Variants in PTPN3 observed in about 807,000 individuals in gnomAD.
PTPN3 encodes protein tyrosine phosphatase non-receptor type 3.
In PTPN3, 96 loss-of-function variants were observed where a neutral mutation model predicts 132.7. The ratio of observed to expected loss-of-function variants is 0.72; its 90% CI spans 0.61 to 0.86. The LOEUF is 0.86. Ranked by LOEUF, PTPN3 falls within the 40% of genes least tolerant of loss-of-function variation. The pLI is 0.00. For missense variants in PTPN3, 1,125 were observed against 1,159.6 expected (o/e 0.97, Z 0.43); for synonymous variants, 398 against 429.0 (o/e 0.93, Z 0.89).
chr9:109,502,671 G>A (rs1208291549), upstream of PTPN3, among the ~76,000 whole-genome samples: 1 of 152,130 alleles, frequency 6.6e-6, no homozygotes, highest in Non-Finnish European at 1.5e-5. Context: ...TGGCACCCAT[G>A]TGTGGTCCCA....
chr9:109,511,972 T>G, the PTPN3 span, among the ~76,000 whole-genome samples: 6 of 152,140 alleles, frequency 3.9e-5, no homozygotes, highest in African/African-American at 1.4e-4. Context: ...TATTTGTAAA[T>G]AAATGAACAA....
intron 14 of PTPN3, among the ~76,000 whole-genome samples, chr9:109,412,024 T>G (rs149967726): frequency 6.6e-6 from 1 of 152,184 alleles, no homozygotes; most frequent in African/African-American, 2.4e-5. Context: ...CTTTACAAAA[T>G]TCCCCCCAAA....
Position 109,436,945 on chromosome 9 carries a change from A to T in PTPN3, c.613T>A (p.Ser205Thr). 6.2e-7 allele frequency: 1 copy of T among 1,614,108 alleles called. No individual in the cohort carries two copies. Among genetic ancestry groups the T allele is most frequent in the Non-Finnish European group, 8.5e-7 (1 of 1,179,978 alleles). ...GTCCGCGCTATGTTGATATAGCAGGATTCTGCTTCTGATTGTTTTAGCCCA... is the reference window on the plus strand; with the variant it reads ...GTCCGCGCTATGTTGATATAGCAGGTTTCTGCTTCTGATTGTTTTAGCCCA... ...HSGLKQSEAE[S>T]CYINIARTLD... is the part of the protein sequence containing the mutation. The change falls in exon 9 of 26, where the codon TCC becomes ACC. Residue 205 changes from serine (S) to threonine (T), a missense_variant. Ser to Thr is a moderately conservative substitution (Grantham distance 58, BLOSUM62 1). Transcript: ENST00000374541.
At chr9:109,512,021 G>A in the PTPN3 span, among the ~76,000 whole-genome samples, 1 of 152,176 alleles carries the variant, frequency 6.6e-6, no homozygotes, top group Non-Finnish European at 1.5e-5. Flanking sequence ...GCCCACCTCT[G>A]GAGATTTCTA....
chr9:109,429,235 T>A (rs891602336), intron 10 of PTPN3, among the ~76,000 whole-genome samples: 1 of 152,238 alleles, frequency 6.6e-6, no homozygotes, highest in Non-Finnish European at 1.5e-5. Context: ...CATATTGTTA[T>A]ACCCAGTTTT....
upstream of PTPN3, among the ~76,000 whole-genome samples, chr9:109,500,358 C>T (rs576071943): frequency 1.6e-3 from 242 of 152,264 alleles, no homozygotes; most frequent in African/African-American, 5.6e-3. Context: ...CAGCTGTTAG[C>T]TTAAACGATG....
chr9:109,396,777 A>G (rs541715547), intron 19 of PTPN3, among the ~76,000 whole-genome samples: 136 of 152,300 alleles, frequency 8.9e-4, no homozygotes, highest in African/African-American at 3.2e-3. Flanking sequence ...ATGCTCTCCA[A>G]TGTGGTAGGG....
chr9:109,459,487 C>A (rs1285767115), intron 2 of PTPN3, among the ~76,000 whole-genome samples: 2 of 152,202 alleles, frequency 1.3e-5, no homozygotes, highest in Non-Finnish European at 2.9e-5. Context: ...GTGGCAGCCA[C>A]GTGATAAGAA....
chr9:109,491,417 T>C (rs1220569021), intron 1 of PTPN3, among the ~76,000 whole-genome samples: 2 of 152,096 alleles, frequency 1.3e-5, no homozygotes, highest in African/African-American at 4.8e-5. Flanking sequence ...AATAAAATGG[T>C]AATGTTTGGG....
At chr9:109,429,761 G>T (rs1843531303) in intron 10 of PTPN3, among the ~76,000 whole-genome samples, 1 of 152,142 alleles carries the variant, frequency 6.6e-6, no homozygotes, top group Non-Finnish European at 1.5e-5. Context: ...GTACACCAAG[G>T]GCTGACTATC....
At chr9:109,402,774 T>C (rs1841248686) in intron 19 of PTPN3, among the ~76,000 whole-genome samples, 1 of 152,198 alleles carries the variant, frequency 6.6e-6, no homozygotes, top group Admixed American at 6.5e-5. Context: ...AGATGATTAA[T>C]TAAAAATTTT....
chr9:109,467,759 G>A (rs1846172006), intron 1 of PTPN3, among the ~76,000 whole-genome samples: 2 of 152,162 alleles, frequency 1.3e-5, no homozygotes, highest in Non-Finnish European at 2.9e-5. Context: ...TGGCGTGGGT[G>A]CCGCTGGGAC....
chr9:109,493,681 T>C (rs1309652495), intron 1 of PTPN3, among the ~76,000 whole-genome samples: 1 of 152,202 alleles, frequency 6.6e-6, no homozygotes. Context: ...TCCCGTTCTT[T>C]GGTTCAGAAA....
the PTPN3 span, among the ~76,000 whole-genome samples, chr9:109,516,259 C>A: frequency 1.3e-5 from 2 of 152,228 alleles, no homozygotes; most frequent in East Asian, 1.9e-4. Flanking sequence ...CATGGCTGAT[C>A]CATTCCTTAT....
chr9:109,523,670 G>A, the PTPN3 span, among the ~76,000 whole-genome samples: 2 of 152,258 alleles, frequency 1.3e-5, no homozygotes, highest in African/African-American at 2.4e-5. Context: ...GGGACCCTCT[G>A]GAATTCTCCT....
chr9:109,404,644 G>A, intron 18 of PTPN3, 36 bp from the exon 19 acceptor site: 1 of 1,404,628 alleles, frequency 7.1e-7, no homozygotes, highest in East Asian at 2.5e-5. Context: ...GACTTGTGTA[G>A]CAATACTCAG....
At chr9:109,388,275 C>T (rs1839767506) in intron 22 of PTPN3, among the ~76,000 whole-genome samples, 1 of 152,104 alleles carries the variant, frequency 6.6e-6, no homozygotes, top group Non-Finnish European at 1.5e-5. Context: ...GAGTTTGCAA[C>T]AGAAGAGGGA....
chr9:109,414,265 A>G (rs1306984304), intron 14 of PTPN3, among the ~76,000 whole-genome samples: 1 of 152,242 alleles, frequency 6.6e-6, no homozygotes, highest in Non-Finnish European at 1.5e-5. Context: ...GCTTCTGAGA[A>G]TGTGCTGTGC....
chr9:109,521,661 G>C, the PTPN3 span, among the ~76,000 whole-genome samples: 1 of 152,138 alleles, frequency 6.6e-6, no homozygotes, highest in Non-Finnish European at 1.5e-5. Context: ...ACATCCTGAG[G>C]TTTTTCTACC....
Sources: gnomAD v4.1 joint callset for allele counts (sites outside exome capture counted in the v4.1 genomes callset) on GRCh38, gnomAD v4.1.1 for gene constraint, MANE v1.5 for transcripts, NCBI Gene and HGNC (gene_info 2026-07-23, HGNC 2026-07-21) for gene names.